LIMD1: variants seen among roughly 807,000 people sequenced by gnomAD.
The protein encoded by LIMD1 is LIM domain-containing protein 1.
LIMD1 carries 23 observed loss-of-function variants against 58.4 expected under a neutral mutation model. That is an observed-to-expected ratio of 0.39 (90% CI 0.28 to 0.56). The LOEUF (loss-of-function observed/expected upper bound fraction) is 0.56. Among genes scored for constraint, LIMD1 ranks in the 20% least tolerant of loss-of-function variants. LIMD1 has a pLI of 0.57. For missense variants in LIMD1, 838 were observed against 855.5 expected, an observed-to-expected ratio of 0.98 and a Z score of 0.25; for synonymous variants, 334 against 345.5, an observed-to-expected ratio of 0.97 and a Z score of 0.37.
chr3:45,630,714 G>T (rs993997157), intron 1 of LIMD1, among the ~76,000 whole-genome samples: 2 of 151,946 alleles, frequency 1.3e-5, no homozygotes, highest in Admixed American at 1.3e-4. Context: ...CTCATGATGG[G>T]GGGGGTTGGG....
intron 1 of LIMD1, among the ~76,000 whole-genome samples, chr3:45,602,384 G>A (rs1421744785): frequency 6.6e-6 from 1 of 152,154 alleles, no homozygotes; most frequent in Admixed American, 6.5e-5. Flanking sequence ...GGACCAGAGG[G>A]GTGGGAAAGG....
At chr3:45,664,702 C>T (rs2742407) in intron 2 of LIMD1, among the ~76,000 whole-genome samples, 21,713 of 152,314 alleles carry the variant, frequency 0.14, 2,056 homozygotes, top group Non-Finnish European at 0.21. Flanking sequence ...TGCTTTGCCT[C>T]CTGTGGGCGT....
At chr3:45,648,175 T>G (rs991661956) in intron 2 of LIMD1, among the ~76,000 whole-genome samples, 6 of 152,196 alleles carry the variant, frequency 3.9e-5, no homozygotes, top group Non-Finnish European at 8.8e-5. Context: ...AGTATAATTC[T>G]GAACACAGAA....
At chr3:45,649,875 CTT>C (rs1248140901) in intron 2 of LIMD1, among the ~76,000 whole-genome samples, 3,983 of 121,860 alleles carry the variant, frequency 0.033, 76 homozygotes, top group Non-Finnish European at 0.045. Flanking sequence ...TATTTTCTCC[CTT>C]TTTTTTTTTA....
In LIMD1 at chr3:45,681,203, G is replaced by A. The variant is rs532454320; in HGVS notation, c.*4144G>A. 2.0e-5 allele frequency: 3 copies of A among 152,252 alleles called. No individual in the cohort carries two copies. In the East Asian group the frequency reaches 5.8e-4, roughly 29 times the overall value. 9.4% of individuals were successfully genotyped at this position (152,252 alleles called of 1,614,324 possible). ...AATTTTACTGTTACTATAAAATTAT[G>A]CAAAGTATTGTGACAAAACTGCATC... On this transcript the variant is annotated 3_prime_UTR_variant, in exon 8 of 8. Transcript: ENST00000273317.
Position 45,673,447 on chromosome 3 carries a change from C to T in LIMD1, c.1773-7C>T, listed in dbSNP as rs1487982761. 9.3e-6 allele frequency: 15 copies of T among 1,613,372 alleles called. No homozygotes were observed. Among genetic ancestry groups the T allele is most frequent in the Non-Finnish European group, 1.1e-5 (13 of 1,179,528 alleles). On this transcript the variant is annotated splice_polypyrimidine_tract_variant and splice_region_variant and intron_variant, in intron 5 of 7. Coordinates refer to ENST00000273317, the MANE Select transcript of LIMD1 (RefSeq NM_014240.3). ...AACATTTATTGCTGCTTTGTTTCTC[C>T]CCACAGGGTGCTGGCCCCCAAGTGT...
rs1156268224 is a variant in LIMD1, at chr3:45,680,397, C to T, written c.*3338C>T. The T allele has an allele frequency of 1.3e-5, 2 of 152,398 alleles. No individual in the cohort carries two copies. The highest frequency in any genetic ancestry group is 3.9e-4 in the East Asian group (2 of 5,176). The allele number at this position is 152,398 out of a possible 1,614,324, so 9.4% of individuals were successfully genotyped here. On this transcript the variant is annotated 3_prime_UTR_variant, in exon 8 of 8. Transcript: ENST00000273317. ...GCGCGATCTCAGCTCACTGCAGCCTCCACCTACTGGGCTCAAGTGATCCTC... is the reference window on the plus strand; with the variant it reads ...GCGCGATCTCAGCTCACTGCAGCCTTCACCTACTGGGCTCAAGTGATCCTC...
At chr3:45,614,299 G>A (rs1368041496) in intron 1 of LIMD1, among the ~76,000 whole-genome samples, 3 of 151,874 alleles carry the variant, frequency 2.0e-5, no homozygotes, top group African/African-American at 4.8e-5. Flanking sequence ...AGGCCGAGGC[G>A]GGTGGATCAC....
rs1487125305 is a variant in LIMD1, at chr3:45,610,952, AT to A, written c.1408+14667del. Among the ~76,000 whole-genome samples, 3 of 152,214 alleles carry A rather than the reference AT, an allele frequency of 2.0e-5. No individual in the cohort carries two copies. The East Asian group carries it at 5.8e-4, about 29-fold the overall frequency. ...TTGGATATATTGGCCTAAGTAAAACATTAAAATTAGTTTCACCTATTTTTAC... is the reference window on the plus strand; with the variant it reads ...TTGGATATATTGGCCTAAGTAAAACATAAAATTAGTTTCACCTATTTTTAC... On this transcript the variant is annotated intron_variant, in intron 1 of 7. Coordinates refer to ENST00000273317, the MANE Select transcript of LIMD1 (RefSeq NM_014240.3).
chr3:45,650,736 T>C (rs529468911), intron 2 of LIMD1, among the ~76,000 whole-genome samples: 1 of 152,300 alleles, frequency 6.6e-6, no homozygotes, highest in Admixed American at 6.5e-5. Flanking sequence ...CAGCCTATTA[T>C]TGATGGATAT....
At chr3:45,611,356 C>G (rs1194156408) in intron 1 of LIMD1, among the ~76,000 whole-genome samples, 2 of 152,202 alleles carry the variant, frequency 1.3e-5, no homozygotes, top group Non-Finnish European at 2.9e-5. Context: ...CAGGGGGGCT[C>G]TGGGGTCCGA....
At chr3:45,634,678 G>T (rs62242175) in intron 1 of LIMD1, among the ~76,000 whole-genome samples, 1 of 152,196 alleles carries the variant, frequency 6.6e-6, no homozygotes, top group Non-Finnish European at 1.5e-5. Context: ...ATTAGTCTGC[G>T]CTTGTCACAT....
At chr3:45,667,255 G>A (rs935058117) in intron 3 of LIMD1, among the ~76,000 whole-genome samples, 2 of 152,212 alleles carry the variant, frequency 1.3e-5, no homozygotes, top group African/African-American at 4.8e-5. Flanking sequence ...AACAGTGCTG[G>A]AGGAATGCAA....
intron 1 of LIMD1, among the ~76,000 whole-genome samples, chr3:45,617,366 A>G (rs1439052418): frequency 6.6e-6 from 1 of 152,062 alleles, no homozygotes; most frequent in Non-Finnish European, 1.5e-5. Context: ...TTAAAAAGCA[A>G]TGTTTTTGTC....
intron 2 of LIMD1, among the ~76,000 whole-genome samples, chr3:45,657,731 C>G (rs1361440984): frequency 4.6e-5 from 7 of 152,096 alleles, no homozygotes; most frequent in African/African-American, 1.7e-4. Context: ...GGGTAAGCCT[C>G]AATTTCCTTA....
intron 1 of LIMD1, among the ~76,000 whole-genome samples, chr3:45,628,023 A>C (rs1340726478): frequency 6.6e-6 from 1 of 151,926 alleles, no homozygotes; most frequent in African/African-American, 2.4e-5. Flanking sequence ...AAAAAAAGAA[A>C]AAAGAATATA....
At chr3:45,638,789 T>G (rs1701813876) in intron 2 of LIMD1, among the ~76,000 whole-genome samples, 2 of 152,220 alleles carry the variant, frequency 1.3e-5, no homozygotes, top group African/African-American at 4.8e-5. Flanking sequence ...TTGCCTTTTC[T>G]CTATAGCCTT....
intron 2 of LIMD1, among the ~76,000 whole-genome samples, chr3:45,659,000 A>G (rs1575363003): frequency 6.6e-6 from 1 of 152,120 alleles, no homozygotes; most frequent in African/African-American, 2.4e-5. Flanking sequence ...ACATTATAAC[A>G]TAAGGGTTTT....
At chr3:45,640,513 T>C (rs1701830977) in intron 2 of LIMD1, among the ~76,000 whole-genome samples, 1 of 152,048 alleles carries the variant, frequency 6.6e-6, no homozygotes, top group African/African-American at 2.4e-5. Context: ...CTGCAACCTC[T>C]GCCTCCCGGG....
Sources: gnomAD v4.1 joint callset for allele counts (sites outside exome capture counted in the v4.1 genomes callset) on GRCh38, gnomAD v4.1.1 for gene constraint, MANE v1.5 for transcripts, NCBI Gene and HGNC (gene_info 2026-07-23, HGNC 2026-07-21) for gene names.